Variants in TMC6 observed in about 807,000 individuals in gnomAD.
TMC6 encodes transmembrane channel like 6, also known as transmembrane channel-like protein 6.
In TMC6, 71 loss-of-function variants were observed where a neutral mutation model predicts 95.4. That is an observed-to-expected ratio of 0.74 (90% CI 0.61 to 0.91). The LOEUF is 0.91. Ranked by LOEUF, TMC6 falls within the 40% of genes least tolerant of loss-of-function variation. TMC6 has a pLI of 0.00. For synonymous variants in TMC6, 514 were observed against 483.1 expected, an observed-to-expected ratio of 1.06 and a Z score of -0.84; for missense variants, 1,074 against 1,079.1, an observed-to-expected ratio of 1.00 and a Z score of 0.07.
At position 78,108,621 on chromosome 17, in the gene TMC6, G is replaced by A. The variant is rs916492799; in HGVS notation, c.*4527C>T. On this transcript the variant is annotated 3_prime_UTR_variant, in exon 20 of 20. Transcript: ENST00000590602. ...GACCAGGTTGGATTTTGACAGACTG[G>A]GAACTCGGGGGACAGGAGGGCAGCA... 3.9e-5 allele frequency: 6 copies of A among 154,964 alleles called. No homozygotes were observed. Among genetic ancestry groups the A allele is most frequent in the Non-Finnish European group, 5.9e-5 (4 of 68,372 alleles). 9.6% of individuals were successfully genotyped at this position (154,964 alleles called of 1,614,324 possible). A position where few individuals can be genotyped will look rare whatever the true frequency, so the allele number is the denominator to read the frequency against.
At chr17:78,126,216 C>A in intron 4 of TMC6, 61 bp downstream of exon 4, 1 of 1,530,580 alleles carries the variant, frequency 6.5e-7, no homozygotes, top group Middle Eastern at 1.9e-4. Flanking sequence ...CCCAGCCCAG[C>A]CCCAGGGACT....
At chr17:78,113,266 C>T (rs1450161885) in intron 19 of TMC6, 55 bp from the exon 20 acceptor site, 21 of 1,526,422 alleles carry the variant, frequency 1.4e-5, no homozygotes, top group South Asian at 2.4e-5. Flanking sequence ...ATCCCTGCAA[C>T]CTGGCTGGGC....
rs2074602911 is a variant in TMC6 at position 78,124,632 on chromosome 17, G to A, written c.783C>T (p.Leu261=). 2.5e-6 allele frequency: 4 copies of A among 1,612,342 alleles called. No homozygotes were observed. The highest frequency in any genetic ancestry group is 1.7e-4 in the Middle Eastern group (1 of 6,058). ...TGAAGGCCACCAGCAGCAGCAGCAG[G>A]AGGGCATTGAAAGCCAGCAGGGTCT... ...FLKTLLAFNA[L]LLLLLVAFIM... Residue 261 remains leucine (L), a synonymous_variant, in exon 8 of 20, where the codon CTC becomes CTT. Coordinates refer to ENST00000590602, the MANE Select transcript of TMC6 (RefSeq NM_001127198.5).
At chr17:78,119,651 T>C in intron 13 of TMC6, 1 of 533,798 alleles carries the variant, frequency 1.9e-6, no homozygotes, top group Non-Finnish European at 3.4e-6. Context: ...TTTTTCTTTT[T>C]TGAAACAGGG....
At position 78,112,777 on chromosome 17, in the gene TMC6, G is replaced by GCCAT. The variant is rs2073859380; in HGVS notation, c.*367_*370dup. The GCCAT allele has an allele frequency of 5.5e-6, 2 of 361,722 alleles. No individual in the cohort carries two copies. Among genetic ancestry groups the GCCAT allele is most frequent in the African/African-American group, 4.3e-5 (2 of 46,978 alleles). The allele number at this position is 361,722 out of a possible 1,614,324, so 22.4% of individuals were successfully genotyped here. On this transcript the variant is annotated 3_prime_UTR_variant, in exon 20 of 20. Transcript: ENST00000590602. ...CAAGCCCTGGCGCGGTCCAGCCCCT[G>GCCAT]CCATCTGGGGCTTGGCCAGCAGAGG...
intron 18 of TMC6, among the ~76,000 whole-genome samples, chr17:78,116,083 G>A (rs2074094067): frequency 6.6e-6 from 1 of 151,664 alleles, no homozygotes; most frequent in Non-Finnish European, 1.5e-5. Flanking sequence ...AATCTGGGCT[G>A]ATTCTCCTGC....
chr17:78,125,336 C>A, intron 5 of TMC6, 73 bp from the exon 6 acceptor site: 2 of 1,379,126 alleles, frequency 1.5e-6, no homozygotes, highest in South Asian at 2.5e-5. Flanking sequence ...GGACCCTGGT[C>A]AGGCCTGTGT....
upstream of TMC6, among the ~76,000 whole-genome samples, chr17:78,129,962 C>G (rs1168145024): frequency 2.0e-5 from 3 of 152,150 alleles, no homozygotes; most frequent in Non-Finnish European, 4.4e-5. This position sits in a 1 kb window ranked among gnomAD's most constrained non-coding sequence, Gnocchi z 4.3. Flanking sequence ...GCCTGACACA[C>G]AGAAAGGACT....
rs768809800 is a variant in TMC6 at position 78,122,801 on chromosome 17, C to T, written c.1083-52G>A. On this transcript the variant is annotated intron_variant, in intron 9 of 19. Transcript: ENST00000590602. This position sits in a 1 kb window ranked among gnomAD's most constrained non-coding sequence, Gnocchi z 4.9. ...CAACCAACAAGCTGACGGGCAGAGG[C>T]CAAGGGGAGAAGGCAGACCGGATGC... The T allele has an allele frequency of 6.3e-7, 1 of 1,588,276 alleles. No individual in the cohort carries two copies. Among genetic ancestry groups the T allele is most frequent in the Admixed American group, 1.7e-5 (1 of 57,696 alleles).
In TMC6 at chr17:78,112,037, TG is replaced by T; in HGVS notation, c.*1110del. On this transcript the variant is annotated 3_prime_UTR_variant, in exon 20 of 20. Transcript: ENST00000590602. ...GCTGGTCCCCACAGACCTGGAGCACTGGGGTCATGACGGGCTGGTCCCCGCA... is the reference window on the plus strand; with the variant it reads ...GCTGGTCCCCACAGACCTGGAGCACTGGGTCATGACGGGCTGGTCCCCGCA... 1 of 227,190 alleles carries T rather than the reference TG, an allele frequency of 4.4e-6. No homozygotes were observed. The highest frequency in any genetic ancestry group is 8.9e-6 in the Non-Finnish European group (1 of 112,442). 14.1% of individuals were successfully genotyped at this position (227,190 alleles called of 1,614,324 possible).
rs1031465700 is a variant in TMC6, at chr17:78,118,089, C to G, written c.1888-154G>C. The stretch of plus-strand genomic sequence containing the variant: ...CAGCCTCCTCATTTACAGAGGAAGA[C>G]AGAAGCCTGCCGGTCACTTGCACGC... On this transcript the variant is annotated intron_variant, in intron 15 of 19. Coordinates refer to ENST00000590602, the MANE Select transcript of TMC6 (RefSeq NM_001127198.5). 1.4e-5 allele frequency: 19 copies of G among 1,351,134 alleles called. No individual in the cohort carries two copies. In the Admixed American group the frequency reaches 4.7e-4, roughly 33 times the overall value. The allele number at this position is 1,351,134 out of a possible 1,614,324, so 83.7% of individuals were successfully genotyped here.
chr17:78,127,019 G>A (rs988330324), intron 1 of TMC6, 113 bp from the exon 2 acceptor site: 7 of 681,264 alleles, frequency 1.0e-5, no homozygotes, highest in Non-Finnish European at 1.3e-5. Context: ...AGACAGTCCC[G>A]CCCACCCCCC....
At chr17:78,119,724 T>C in intron 13 of TMC6, 1 of 414,360 alleles carries the variant, frequency 2.4e-6, no homozygotes. Context: ...AGCCTTGACC[T>C]CCTGGGATCA....
chr17:78,121,793 C>T lies in TMC6; in HGVS notation c.1228-82G>A. 6.7e-6 allele frequency: 10 copies of T among 1,483,718 alleles called. No individual in the cohort carries two copies. The highest frequency in any genetic ancestry group is 9.0e-6 in the Non-Finnish European group (10 of 1,113,822). The allele number at this position is 1,483,718 out of a possible 1,614,324, so 91.9% of individuals were successfully genotyped here. ...TGCAGACACAGCACAACACACACAA[C>T]ACACATGAGACACACCAGGAGGCTT... is the stretch of plus-strand genomic sequence containing the variant. On this transcript the variant is annotated intron_variant, in intron 10 of 19. Coordinates refer to ENST00000590602, the MANE Select transcript of TMC6 (RefSeq NM_001127198.5). The surrounding 1 kb of genome is among the most constrained non-coding windows in gnomAD (Gnocchi z 5.6).
chr17:78,118,780 C>G (rs1361963579), intron 15 of TMC6, among the ~76,000 whole-genome samples, 191 bp downstream of exon 15: 1 of 152,180 alleles, frequency 6.6e-6, no homozygotes, highest in Non-Finnish European at 1.5e-5. Flanking sequence ...CCCAGCCTGC[C>G]GAAGACAGTG....
At chr17:78,119,540 TG>T (rs1163805068) in intron 13 of TMC6, 148 bp from the exon 14 acceptor site, 4 of 817,834 alleles carry the variant, frequency 4.9e-6, no homozygotes, top group Non-Finnish European at 8.2e-6. Context: ...GCCACCAGCC[TG>T]GGGGACCCCA....
intron 9 of TMC6, among the ~76,000 whole-genome samples, chr17:78,123,401 GGGTGGATGAATGGGTGGATAGATAAGGA>G (rs1402765044): frequency 2.6e-5 from 4 of 151,360 alleles, no homozygotes; most frequent in African/African-American, 9.7e-5. Flanking sequence ...ATGAACGGAT[GGGTGGATGAATGGGTGGATAGATAAGGA>G]GGTGGATGGA....
At chr17:78,128,957 C>T (rs1033745969), upstream of TMC6, among the ~76,000 whole-genome samples, 4 of 152,150 alleles carry the variant, frequency 2.6e-5, no homozygotes, top group South Asian at 8.3e-4. The surrounding 1 kb of genome is among the most constrained non-coding windows in gnomAD (Gnocchi z 4.0). Context: ...ATTCCAGCCC[C>T]TGGTTGAAGT....
chr17:78,120,775 G>A lies in TMC6; in HGVS notation c.1593C>T (p.Arg531=). The A allele has an allele frequency of 1.2e-6, 2 of 1,613,308 alleles. No individual in the cohort carries two copies. The highest frequency in any genetic ancestry group is 1.7e-6 in the Non-Finnish European group (2 of 1,179,884). The change falls in exon 13 of 20, where the codon CGC becomes CGT. Residue 531 remains arginine, a synonymous_variant. Transcript: ENST00000590602. The part of the protein sequence containing the change: ...LGTLCYHWLG[R]RVGVLQGQCW... ...ACTGGCCCTGCAGGACGCCCACCCT[G>A]CGGCCCAGCCAGTGGTAGCACAGTG...
Sources: gnomAD v4.1 joint callset for allele counts (sites outside exome capture counted in the v4.1 genomes callset) on GRCh38, gnomAD v4.1.1 for gene constraint, Gnocchi (gnomAD v3.1) non-coding constraint, MANE v1.5 for transcripts, NCBI Gene and HGNC (gene_info 2026-07-23, HGNC 2026-07-21) for gene names.